Variants in TRIQK observed in about 807,000 individuals in gnomAD.
TRIQK encodes triple QxxK/R motif-containing protein.
TRIQK carries 10 observed loss-of-function variants against 10.8 expected under a neutral mutation model. The observed-to-expected ratio is 0.92, with a 90% confidence interval of 0.57 to 1.57. The LOEUF (loss-of-function observed/expected upper bound fraction) is 1.57, where lower values mean the gene tolerates loss of function less well. Ranked by LOEUF, TRIQK falls within the 40% of genes most tolerant of loss-of-function variation. TRIQK has a pLI of 0.00. For missense variants in TRIQK, 107 were observed against 97.7 expected (o/e 1.09, Z -0.40); for synonymous variants, 33 against 33.7 (o/e 0.98, Z 0.07).
chr8:92,908,045 A>G (rs1247311592), intron 3 of TRIQK, among the ~76,000 whole-genome samples: 1 of 152,090 alleles, frequency 6.6e-6, no homozygotes, highest in Non-Finnish European at 1.5e-5. Context: ...CTGTGACATG[A>G]CTTTTTCATG....
intron 1 of TRIQK, among the ~76,000 whole-genome samples, chr8:93,014,008 T>C (rs553147633): frequency 1.3e-5 from 2 of 152,246 alleles, no homozygotes; most frequent in South Asian, 2.1e-4. Context: ...AACAGCCAAA[T>C]TGCCAGAAAA....
At chr8:92,923,015 C>CTA (rs1810265064) in intron 2 of TRIQK, among the ~76,000 whole-genome samples, 1 of 151,704 alleles carries the variant, frequency 6.6e-6, no homozygotes, top group African/African-American at 2.4e-5. Context: ...AAATTACTTA[C>CTA]ATTTTATTAG....
At chr8:92,944,825 T>C (rs1238940482) in intron 2 of TRIQK, among the ~76,000 whole-genome samples, 3 of 152,142 alleles carry the variant, frequency 2.0e-5, no homozygotes, top group African/African-American at 7.2e-5. Context: ...AAATATGGTA[T>C]TGTATATTTT....
At chr8:93,017,147 GA>G in intron 1 of TRIQK, among the ~76,000 whole-genome samples, 1 of 119,496 alleles carries the variant, frequency 8.4e-6, no homozygotes, top group Admixed American at 8.9e-5. Flanking sequence ...GAGAGAGAGA[GA>G]GAGAGAGAGA....
chr8:92,988,217 C>T (rs1047885639), intron 1 of TRIQK, among the ~76,000 whole-genome samples: 27 of 151,768 alleles, frequency 1.8e-4, no homozygotes, highest in African/African-American at 5.8e-4. Context: ...GTGGTTTCAC[C>T]GTGTTAGCCA....
intron 1 of TRIQK, among the ~76,000 whole-genome samples, chr8:92,994,426 A>C (rs1396321807): frequency 6.6e-6 from 1 of 151,518 alleles, no homozygotes; most frequent in Non-Finnish European, 1.5e-5. Flanking sequence ...AATGTGTTTT[A>C]TTTTTTAAAA....
At chr8:92,922,556 C>T (rs550017370) in intron 2 of TRIQK, 2 of 151,750 alleles carry the variant, frequency 1.3e-5, no homozygotes, top group East Asian at 3.9e-4. Context: ...AGCCAACATC[C>T]CAGCAGAGAT....
chr8:92,995,732 G>C (rs1267799294), intron 1 of TRIQK, among the ~76,000 whole-genome samples: 1 of 151,896 alleles, frequency 6.6e-6, no homozygotes, highest in Non-Finnish European at 1.5e-5. Context: ...TACTTAAAGG[G>C]ACTTAGTATT....
At chr8:93,006,891 G>T (rs1504682) in intron 1 of TRIQK, among the ~76,000 whole-genome samples, 7 of 152,204 alleles carry the variant, frequency 4.6e-5, no homozygotes, top group Non-Finnish European at 1.0e-4. Context: ...GGGTGGCCAC[G>T]GTCTCTGTGG....
intron 2 of TRIQK, among the ~76,000 whole-genome samples, chr8:92,947,929 T>C (rs1455827555): frequency 6.6e-6 from 1 of 152,138 alleles, no homozygotes; most frequent in African/African-American, 2.4e-5. Flanking sequence ...AAAATATATA[T>C]GTTTAGTCAA....
intron 1 of TRIQK, chr8:92,973,487 C>T (rs1016258131): frequency 6.6e-6 from 1 of 152,132 alleles, no homozygotes; most frequent in Non-Finnish European, 1.5e-5. Flanking sequence ...TTTGATGGCA[C>T]ATTTTACTTT....
At chr8:92,904,619 G>C (rs1363328877) in intron 3 of TRIQK, among the ~76,000 whole-genome samples, 1 of 152,096 alleles carries the variant, frequency 6.6e-6, no homozygotes, top group Non-Finnish European at 1.5e-5. Flanking sequence ...GATACTGCAA[G>C]AGGCTGTCTG....
At chr8:92,931,003 CT>C (rs1810694877) in intron 2 of TRIQK, among the ~76,000 whole-genome samples, 2 of 152,066 alleles carry the variant, frequency 1.3e-5, no homozygotes, top group Admixed American at 1.3e-4. Flanking sequence ...CATAATTCCT[CT>C]ATATGAATGG....
At chr8:92,908,741 TAA>T (rs1242300517) in intron 3 of TRIQK, among the ~76,000 whole-genome samples, 4 of 152,002 alleles carry the variant, frequency 2.6e-5, no homozygotes, top group African/African-American at 4.8e-5. Context: ...AGCAGAGAGA[TAA>T]GAGTCAAAAT....
chr8:92,994,121 A>G (rs1406970505), intron 1 of TRIQK, among the ~76,000 whole-genome samples: 1 of 152,234 alleles, frequency 6.6e-6, no homozygotes, highest in Non-Finnish European at 1.5e-5. Flanking sequence ...AAAGAGGTAT[A>G]TTAAAATCTC....
chr8:92,968,934 G>A (rs1812846084), upstream of TRIQK, among the ~76,000 whole-genome samples: 1 of 152,100 alleles, frequency 6.6e-6, no homozygotes, highest in African/African-American at 2.4e-5. Flanking sequence ...ATGGTTTTAG[G>A]TCTTACGTTT....
At chr8:92,952,679 C>A (rs994004465) in intron 2 of TRIQK, among the ~76,000 whole-genome samples, 2 of 151,900 alleles carry the variant, frequency 1.3e-5, no homozygotes, top group Non-Finnish European at 2.9e-5. Flanking sequence ...TTTTAAATAT[C>A]TTTTACCTGG....
intron 4 of TRIQK, chr8:92,886,989 A>T (rs925648925): frequency 2.5e-5 from 6 of 236,404 alleles, no homozygotes; most frequent in African/African-American, 1.1e-4. Flanking sequence ...TTTTTTCCTT[A>T]TAGTAATATT....
chr8:92,938,031 G>A (rs1811079566), intron 2 of TRIQK, among the ~76,000 whole-genome samples: 1 of 151,816 alleles, frequency 6.6e-6, no homozygotes, highest in African/African-American at 2.4e-5. Context: ...ATTACTTGCA[G>A]TGCAAGTCTT....
Sources: gnomAD v4.1 joint callset for allele counts (sites outside exome capture counted in the v4.1 genomes callset) on GRCh38, gnomAD v4.1.1 for gene constraint, MANE v1.5 for transcripts, NCBI Gene and HGNC (gene_info 2026-07-23, HGNC 2026-07-21) for gene names.